SLC2A7: variants seen among roughly 807,000 people sequenced by gnomAD.
The protein encoded by SLC2A7 is solute carrier family 2, facilitated glucose transporter member 7.
Under a neutral mutation model 50.5 loss-of-function variants are expected in SLC2A7, and 50 were observed. That is an observed-to-expected ratio of 0.99 (90% CI 0.79 to 1.25). The LOEUF (loss-of-function observed/expected upper bound fraction) is 1.25. SLC2A7 is among the 50% of genes most tolerant of loss of function. The pLI, the probability that SLC2A7 is intolerant of heterozygous loss-of-function variation, is 0.00. For synonymous variants in SLC2A7, 308 were observed against 300.4 expected, an observed-to-expected ratio of 1.03 and a Z score of -0.26; for missense variants, 683 against 679.1, an observed-to-expected ratio of 1.01 and a Z score of -0.06.
chr1:9,005,680 C>G (rs1640644074), intron 10 of SLC2A7, among the ~76,000 whole-genome samples: 1 of 151,184 alleles, frequency 6.6e-6, no homozygotes, highest in Admixed American at 6.6e-5. Flanking sequence ...GTGGCGTGTG[C>G]CTGTAGTCCC....
chr1:9,023,021 C>G lies in SLC2A7; in HGVS notation c.208G>C (p.Gly70Arg). 3 of 1,614,108 alleles carry G rather than the reference C, an allele frequency of 1.9e-6. No homozygotes were observed. The highest frequency in any genetic ancestry group is 2.5e-6 in the Non-Finnish European group (3 of 1,179,996). ...GACCATAGAAGCAGCATGAGCTTCCCGTCCATGAATGTTGCGTGTCGCTCA... is the reference window on the plus strand; with the variant it reads ...GACCATAGAAGCAGCATGAGCTTCCGGTCCATGAATGTTGCGTGTCGCTCA... Reference protein sequence around the residue: ...YFERHATFMDGKLMLLLWSCT... With the variant: ...YFERHATFMDRKLMLLLWSCT... The change falls in exon 3 of 12, where the codon GGG (glycine) becomes CGG (arginine). Residue 70 changes from glycine to arginine, a missense_variant. Gly to Arg is a moderately radical substitution (Grantham distance 125, BLOSUM62 -2). Coordinates refer to ENST00000400906, the MANE Select transcript of SLC2A7 (RefSeq NM_207420.3).
intron 5 of SLC2A7, among the ~76,000 whole-genome samples, chr1:9,017,126 T>C (rs1477844261): frequency 6.6e-6 from 1 of 152,198 alleles, no homozygotes; most frequent in South Asian, 2.1e-4. Context: ...TTCGAGACCA[T>C]CCTGGCCAAC....
downstream of SLC2A7, among the ~76,000 whole-genome samples, chr1:8,998,182 T>C (rs35994272): frequency 0.014 from 2,137 of 152,278 alleles, 33 homozygotes; most frequent in Middle Eastern, 0.041. Flanking sequence ...GGTAGGTGGA[T>C]CACTTGAGGT....
At chr1:9,001,854 G>A (rs1640579693), downstream of SLC2A7, among the ~76,000 whole-genome samples, 1 of 152,146 alleles carries the variant, frequency 6.6e-6, no homozygotes, top group Non-Finnish European at 1.5e-5. Context: ...GACTGCTACT[G>A]TGTCTATGTA....
intron 3 of SLC2A7, among the ~76,000 whole-genome samples, chr1:9,020,906 C>T (rs992677285): frequency 6.6e-6 from 1 of 152,060 alleles, no homozygotes; most frequent in African/African-American, 2.4e-5. Context: ...AAGAGTATTT[C>T]TGCACAAGCT....
rs372326941 is a variant in SLC2A7 at position 9,003,282 on chromosome 1, G to A, written c.*18C>T. 5.6e-6 allele frequency: 9 copies of A among 1,612,488 alleles called. No homozygotes were observed. The highest frequency in any genetic ancestry group is 5.0e-5 in the Admixed American group (3 of 59,898). On this transcript the variant is annotated 3_prime_UTR_variant, in exon 12 of 12. Coordinates refer to ENST00000400906, the MANE Select transcript of SLC2A7 (RefSeq NM_207420.3). ...AAGGAAGCCTTGAATATGGGCTCCC[G>A]TCCTTCATGCAGGGCCACTAAAAGG...
At chr1:9,018,884 AG>A (rs1640870596) in intron 4 of SLC2A7, among the ~76,000 whole-genome samples, 1 of 152,198 alleles carries the variant, frequency 6.6e-6, no homozygotes, top group African/African-American at 2.4e-5. Flanking sequence ...GGAAGGGGCT[AG>A]TAAGCGTGAG....
chr1:9,010,339 T>G, intron 8 of SLC2A7, 95 bp from the exon 9 acceptor site: 1 of 900,322 alleles, frequency 1.1e-6, no homozygotes, highest in Non-Finnish European at 1.7e-6. Flanking sequence ...CCCTCTTAGG[T>G]GCCCCTTTCT....
intron 3 of SLC2A7, 108 bp from the exon 4 acceptor site, chr1:9,019,441 G>T: frequency 6.8e-7 from 1 of 1,460,644 alleles, no homozygotes; most frequent in Non-Finnish European, 9.2e-7. Flanking sequence ...CGGGGAATGT[G>T]CCCGAGAAAG....
intron 2 of SLC2A7, among the ~76,000 whole-genome samples, chr1:9,023,835 CTTCTTTTTTTTTT>C (rs1437630561): frequency 0.045 from 2,969 of 65,788 alleles, 438 homozygotes; most frequent in East Asian, 0.35. Flanking sequence ...AAATATTCTT[CTTCTTTTTTTTTT>C]TTTTTTTTTT....
downstream of SLC2A7, among the ~76,000 whole-genome samples, chr1:9,001,430 T>TC (rs1215503960): frequency 6.6e-6 from 1 of 151,024 alleles, no homozygotes; most frequent in Non-Finnish European, 1.5e-5. Flanking sequence ...TTTTTTTTTT[T>TC]TTTTTTTTTT....
At position 9,003,104 on chromosome 1, in the gene SLC2A7, T is replaced by A. The variant is rs1015966621; in HGVS notation, c.*196A>T. On this transcript the variant is annotated 3_prime_UTR_variant, in exon 12 of 12. Coordinates refer to ENST00000400906, the MANE Select transcript of SLC2A7 (RefSeq NM_207420.3). Reference sequence around the variant, plus strand: ...CGTGCCGGCCCCTTCCTCCAGGTCATTCCTCAATGGCTAGCCTTGGAACTT... The same window carrying A: ...CGTGCCGGCCCCTTCCTCCAGGTCAATCCTCAATGGCTAGCCTTGGAACTT... Among the ~76,000 whole-genome samples the A allele has an allele frequency of 2.0e-5, 3 of 152,238 alleles. No homozygotes were observed. Among genetic ancestry groups the A allele is most frequent in the Non-Finnish European group, 4.4e-5 (3 of 68,036 alleles).
At chr1:9,012,252 G>A (rs567760031) in intron 8 of SLC2A7, among the ~76,000 whole-genome samples, 8 of 152,310 alleles carry the variant, frequency 5.3e-5, no homozygotes, top group African/African-American at 1.9e-4. Flanking sequence ...CTGTATGCCT[G>A]GTTCCCAGAT....
In SLC2A7 at chr1:9,026,298, C is replaced by A. The variant is rs773898557; in HGVS notation, c.48G>T (p.Glu16Asp). Residue 16 changes from glutamate to aspartate, a missense_variant, in exon 1 of 12, where the codon GAG (glutamate) becomes GAT (aspartate). Transcript: ENST00000400906. ...GGTTCCTAGTCTTGGCACTTACCCC[C>A]TCCCTGGATGGAATGGGTGGAGGGG... Reference protein sequence around the residue: ...AGTPPPIPSREGRLQPTLLLA... With the variant: ...AGTPPPIPSRDGRLQPTLLLA... 9 of 1,609,060 alleles carry A rather than the reference C, an allele frequency of 5.6e-6. No individual in the cohort carries two copies. Among genetic ancestry groups the A allele is most frequent in the Admixed American group, 1.7e-5 (1 of 59,460 alleles).
intron 5 of SLC2A7, among the ~76,000 whole-genome samples, chr1:9,015,575 T>C (rs1640817913): frequency 6.6e-6 from 1 of 152,024 alleles, no homozygotes; most frequent in African/African-American, 2.4e-5. Flanking sequence ...ATTAGGGCCA[T>C]GGTAGGGCAG....
At chr1:9,016,900 C>A (rs1328107403) in intron 5 of SLC2A7, among the ~76,000 whole-genome samples, 1 of 152,080 alleles carries the variant, frequency 6.6e-6, no homozygotes, top group Non-Finnish European at 1.5e-5. Flanking sequence ...AAGGCCTCAG[C>A]AGCGCCCTCA....
Position 9,019,348 on chromosome 1 carries a change from A to T in SLC2A7, c.312-15T>A. 1 of 1,613,550 alleles carries T rather than the reference A, an allele frequency of 6.2e-7. No individual in the cohort carries two copies. Among genetic ancestry groups the T allele is most frequent in the Non-Finnish European group, 8.5e-7 (1 of 1,179,672 alleles). ...GGGTCCCCTTTCTGCAAAGACAGTGAGCCCAGAGGGCAGGGGTGCGTGGAG... is the reference window on the plus strand; with the variant it reads ...GGGTCCCCTTTCTGCAAAGACAGTGTGCCCAGAGGGCAGGGGTGCGTGGAG... On this transcript the variant is annotated splice_polypyrimidine_tract_variant and intron_variant, in intron 3 of 11. Transcript: ENST00000400906.
chr1:8,999,399 G>A (rs1640546369), downstream of SLC2A7, among the ~76,000 whole-genome samples: 2 of 152,098 alleles, frequency 1.3e-5, no homozygotes, highest in South Asian at 4.1e-4. Context: ...TCCAGTGTTC[G>A]TAACACCCCC....
At position 9,022,959 on chromosome 1, in the gene SLC2A7, C is replaced by T. The variant is rs1416443270; in HGVS notation, c.270G>A (p.Leu90=). The part of the protein sequence containing the change: ...TVSMFPLGGL[L]GSLLVGLLVD... Reference sequence around the variant, plus strand: ...CCAGCAGGCCCACGAGCAATGACCCCAACAGGCCGCCCAGAGGAAACATGG... The same window carrying T: ...CCAGCAGGCCCACGAGCAATGACCCTAACAGGCCGCCCAGAGGAAACATGG... The change falls in exon 3 of 12, where the codon TTG becomes TTA. Residue 90 remains leucine (L), a synonymous_variant. Coordinates refer to ENST00000400906, the MANE Select transcript of SLC2A7 (RefSeq NM_207420.3). 1 of 1,614,124 alleles carries T rather than the reference C, an allele frequency of 6.2e-7. No individual in the cohort carries two copies. The highest frequency in any genetic ancestry group is 1.1e-5 in the South Asian group (1 of 91,072).
Sources: gnomAD v4.1 joint callset for allele counts (sites outside exome capture counted in the v4.1 genomes callset) on GRCh38, gnomAD v4.1.1 for gene constraint, MANE v1.5 for transcripts, NCBI Gene and HGNC (gene_info 2026-07-23, HGNC 2026-07-21) for gene names.